Variants in DIS3 observed in about 807,000 individuals in gnomAD.
DIS3 encodes exosome complex exonuclease RRP44.
A neutral mutation model predicts 113.0 loss-of-function variants in DIS3; 103 were observed. That is an observed-to-expected ratio of 0.91 (90% CI 0.78 to 1.07). The LOEUF is 1.07. DIS3 is among the 50% of genes least tolerant of loss of function. The pLI is 0.00. For missense variants in DIS3, 1,121 were observed against 1,167.1 expected (o/e 0.96, Z 0.58); for synonymous variants, 402 against 394.3 (o/e 1.02, Z -0.23).
At chr13:72,765,414 T>C (rs556762480) in intron 15 of DIS3, among the ~76,000 whole-genome samples, 2 of 152,142 alleles carry the variant, frequency 1.3e-5, no homozygotes, top group Non-Finnish European at 2.9e-5. Context: ...CCTACCCCCA[T>C]CTTTCTGGCA....
At chr13:72,781,179 T>C in intron 1 of DIS3, 176 bp from the exon 2 acceptor site, 3 of 1,414,774 alleles carry the variant, frequency 2.1e-6, no homozygotes, top group Non-Finnish European at 2.9e-6. Flanking sequence ...ACCCTTCAGA[T>C]CTATTAAAAA....
In DIS3 at chr13:72,767,397, T is replaced by C. The variant is rs115020453; in HGVS notation, c.1884-1339A>G. Among the ~76,000 whole-genome samples, 1,171 of 152,342 alleles carry C rather than the reference T, an allele frequency of 7.7e-3. 13 individuals are homozygous for C. The highest frequency in any genetic ancestry group is 0.027 in the African/African-American group (1,103 of 41,570). On this transcript the variant is annotated intron_variant, in intron 14 of 20. Coordinates refer to ENST00000377767, the MANE Select transcript of DIS3 (RefSeq NM_014953.5). ...TTAAAAAAAAAACTTTGTGGTGTTT[T>C]GTGTCACACAAAAAAATTCAATTAT...
chr13:72,776,306 A>C (rs1261126482), intron 4 of DIS3, among the ~76,000 whole-genome samples: 2 of 152,208 alleles, frequency 1.3e-5, no homozygotes. Context: ...CTAATATGGT[A>C]GCCACTAGAC....
At position 72,778,361 on chromosome 13, in the gene DIS3, C is replaced by T. The variant is rs2034071719; in HGVS notation, c.406G>A (p.Glu136Lys). ...EHHRETYVEQ[E>K]QGENANDRND... is the part of the protein sequence containing the mutation. ...CTGTCATTAGCATTTTCTCCCTGTT[C>T]TTGTTCTACATAGGTTTCTCTAAAT... is the stretch of plus-strand genomic sequence containing the variant. The change falls in exon 3 of 21, where the codon GAA (glutamate) becomes AAA (lysine). Residue 136 changes from glutamate (E) to lysine (K), a missense_variant. Around this residue, in one of 3 missense-constraint regions of DIS3, gnomAD observed 254 missense variants for 232.2 expected, o/e 1.09. Transcript: ENST00000377767. 1 of 1,572,728 alleles carries T rather than the reference C, an allele frequency of 6.4e-7. No homozygotes were observed. The highest frequency in any genetic ancestry group is 1.2e-5 in the South Asian group (1 of 86,760).
intron 18 of DIS3, 49 bp from the exon 19 acceptor site, chr13:72,761,570 T>C (rs1462089628): frequency 6.6e-7 from 1 of 1,523,844 alleles, no homozygotes; most frequent in Non-Finnish European, 8.8e-7. Context: ...AATTTTTAAA[T>C]AAACAAAAAA....
rs985461032 is a variant in DIS3 at position 72,779,776 on chromosome 13, G to C, written c.386+1070C>G. Among the ~76,000 whole-genome samples the C allele has an allele frequency of 4.0e-5, 6 of 151,662 alleles. No homozygotes were observed. In the East Asian group the frequency reaches 5.8e-4, roughly 15 times the overall value. On this transcript the variant is annotated intron_variant, in intron 2 of 20. Transcript: ENST00000377767. ...GTGGTGGTGGTGGTGGTGGTGGGGGGGGTAAGGGGTGGTGATCCTGCCAAA... is the reference window on the plus strand; with the variant it reads ...GTGGTGGTGGTGGTGGTGGTGGGGGCGGTAAGGGGTGGTGATCCTGCCAAA...
intron 15 of DIS3, among the ~76,000 whole-genome samples, chr13:72,764,204 A>G (rs1326346622): frequency 2.0e-5 from 3 of 152,182 alleles, no homozygotes; most frequent in Admixed American, 6.5e-5. Context: ...TACTCTATTT[A>G]TAAATGAAAT....
chr13:72,779,238 G>C (rs1008055591), intron 2 of DIS3, among the ~76,000 whole-genome samples: 2 of 151,358 alleles, frequency 1.3e-5, no homozygotes, highest in Non-Finnish European at 2.9e-5. Context: ...TCCCAACTCA[G>C]CCTCGCAAGT....
chr13:72,765,890 G>T, intron 15 of DIS3, 82 bp downstream of exon 15: 1 of 956,512 alleles, frequency 1.0e-6, no homozygotes, highest in Non-Finnish European at 1.5e-6. Context: ...GTATATAAAC[G>T]TTTTCATTAT....
chr13:72,781,418 C>T, intron 1 of DIS3, 187 bp downstream of exon 1: 5 of 1,519,282 alleles, frequency 3.3e-6, no homozygotes, highest in Non-Finnish European at 3.5e-6. Context: ...ACTCCAAGAA[C>T]TAAATTTTTT....
rs2033464961 is a variant in DIS3 at position 72,756,168 on chromosome 13, C to G, written c.*3627G>C. 1 of 368,388 alleles carries G rather than the reference C, an allele frequency of 2.7e-6. No individual in the cohort carries two copies. 22.8% of individuals were successfully genotyped at this position (368,388 alleles called of 1,614,324 possible). On this transcript the variant is annotated 3_prime_UTR_variant, in exon 21 of 21. Transcript: ENST00000377767. ...ATCAACTTTTAAAAACTGTCTCATT[C>G]AAAAGGGAATAAAGACCTGTGTTAT... is the stretch of plus-strand genomic sequence containing the variant.
rs1400869614 is a variant in DIS3, at chr13:72,755,135, GTCT to G, written c.*4657_*4659del. ...CTACTTAAACTGAAAACAAGGTATT[GTCT>G]TCTTTTTCACAGCAAGACCACACAA... On this transcript the variant is annotated 3_prime_UTR_variant, in exon 21 of 21. Coordinates refer to ENST00000377767, the MANE Select transcript of DIS3 (RefSeq NM_014953.5). 1 of 1,612,154 alleles carries G rather than the reference GTCT, an allele frequency of 6.2e-7. No individual in the cohort carries two copies. The highest frequency in any genetic ancestry group is 8.5e-7 in the Non-Finnish European group (1 of 1,178,688).
chr13:72,781,272 TG>T lies in DIS3; in HGVS notation c.229-270del, dbSNP rs779408879. On this transcript the variant is annotated intron_variant, in intron 1 of 20. Coordinates refer to ENST00000377767, the MANE Select transcript of DIS3 (RefSeq NM_014953.5). The stretch of plus-strand genomic sequence containing the variant: ...GAATACGTTGGCCCACATAGTTTTT[TG>T]TTCCTAGGCACTTACAAGCTGCCTG... The T allele has an allele frequency of 1.4e-5, 22 of 1,551,232 alleles. No homozygotes were observed. In the African/African-American group the frequency reaches 2.1e-4, roughly 14 times the overall value.
rs1566257762 is a variant in DIS3, at chr13:72,781,900, C to T, written c.-68G>A. 1.5e-6 allele frequency: 2 copies of T among 1,364,004 alleles called. No homozygotes were observed. Among genetic ancestry groups the T allele is most frequent in the East Asian group, 2.7e-5 (1 of 36,972 alleles). 84.5% of individuals were successfully genotyped at this position (1,364,004 alleles called of 1,614,324 possible). A position where few individuals can be genotyped will look rare whatever the true frequency, so the allele number is the denominator to read the frequency against. The stretch of plus-strand genomic sequence containing the variant: ...CAGCAAAAGGCGTCAATCTAGAATA[C>T]GCCTAACCCCGGAGGTTCTTCCCTT... On this transcript the variant is annotated 5_prime_UTR_variant, in exon 1 of 21. Transcript: ENST00000377767.
intron 2 of DIS3, among the ~76,000 whole-genome samples, chr13:72,780,580 T>C (rs1285908724): frequency 2.6e-5 from 4 of 152,120 alleles, no homozygotes; most frequent in Admixed American, 2.6e-4. Context: ...CTAAAACCAA[T>C]TCAAAATGAA....
intron 14 of DIS3, among the ~76,000 whole-genome samples, chr13:72,768,075 T>C (rs904324229): frequency 1.3e-5 from 2 of 152,186 alleles, no homozygotes; most frequent in African/African-American, 4.8e-5. Flanking sequence ...ATGCAACTTT[T>C]AATTGCCTAA....
intron 15 of DIS3, 133 bp from the exon 16 acceptor site, chr13:72,763,740 T>C (rs2033685439): frequency 6.0e-6 from 5 of 832,588 alleles, no homozygotes; most frequent in East Asian, 5.6e-5. Flanking sequence ...CATATGTGTG[T>C]GTACATTTGT....
At chr13:72,767,068 A>G (rs868768164) in intron 14 of DIS3, among the ~76,000 whole-genome samples, 3 of 152,184 alleles carry the variant, frequency 2.0e-5, no homozygotes, top group African/African-American at 7.2e-5. Context: ...AGCAAGGTAT[A>G]CTTATCACAT....
At chr13:72,771,039 T>C (rs777801183) in intron 12 of DIS3, 42 bp downstream of exon 12, 15 of 1,609,254 alleles carry the variant, frequency 9.3e-6, no homozygotes, top group Non-Finnish European at 1.3e-5. Context: ...GTTAAAGTAG[T>C]AAATACAATG....
Sources: gnomAD v4.1 joint callset for allele counts (sites outside exome capture counted in the v4.1 genomes callset) on GRCh38, gnomAD v4.1.1 for gene constraint, gnomAD v4.1.1 regional missense constraint, MANE v1.5 for transcripts, NCBI Gene and HGNC (gene_info 2026-07-23, HGNC 2026-07-21) for gene names.